RALGAPA1: variants seen among roughly 807,000 people sequenced by gnomAD.
The protein encoded by RALGAPA1 is Ral GTPase activating protein catalytic subunit alpha 1.
RALGAPA1 carries 52 observed loss-of-function variants against 269.6 expected under a neutral mutation model. That is an observed-to-expected ratio of 0.19 (90% CI 0.15 to 0.24). The LOEUF (loss-of-function observed/expected upper bound fraction) is 0.24, where lower values mean the gene tolerates loss of function less well. RALGAPA1 is among the 10% of genes least tolerant of loss of function. RALGAPA1 has a pLI of 1.00. For synonymous variants in RALGAPA1, 817 were observed against 1,008.3 expected, an observed-to-expected ratio of 0.81 and a Z score of 3.60; for missense variants, 1,917 against 3,013.9, an observed-to-expected ratio of 0.64 and a Z score of 8.52.
chr14:35,547,888 A>G (rs907495866), intron 41 of RALGAPA1, among the ~76,000 whole-genome samples: 3 of 152,142 alleles, frequency 2.0e-5, no homozygotes, highest in African/African-American at 7.2e-5. Flanking sequence ...AATTTCACTA[A>G]CTAAATCTCA....
intron 1 of RALGAPA1, among the ~76,000 whole-genome samples, chr14:35,796,077 AAGAG>A (rs2076544345): frequency 2.0e-5 from 3 of 152,206 alleles, no homozygotes; most frequent in Admixed American, 2.0e-4. Flanking sequence ...AGGATAAGAA[AAGAG>A]GATGATCAAT....
At chr14:35,684,805 TAACGTGG>T in intron 20 of RALGAPA1, 117 bp downstream of exon 20, 2 of 966,914 alleles carry the variant, frequency 2.1e-6, no homozygotes, top group Non-Finnish European at 3.0e-6. Context: ...TTTTTTTTTC[TAACGTGG>T]GAGCCACTGC....
intron 27 of RALGAPA1, among the ~76,000 whole-genome samples, chr14:35,663,738 C>T (rs866740719): frequency 5.9e-5 from 9 of 151,948 alleles, no homozygotes; most frequent in Non-Finnish European, 8.8e-5. Flanking sequence ...TACACGCGCC[C>T]GCCACCATGC....
intron 6 of RALGAPA1, among the ~76,000 whole-genome samples, chr14:35,760,527 A>G (rs911694061): frequency 6.6e-6 from 1 of 152,196 alleles, no homozygotes; most frequent in Non-Finnish European, 1.5e-5. Context: ...AAACCATAAT[A>G]AAGACTCTTG....
intron 1 of RALGAPA1, among the ~76,000 whole-genome samples, chr14:35,779,548 A>AATT (rs1359518657): frequency 6.6e-6 from 1 of 150,970 alleles, no homozygotes; most frequent in Non-Finnish European, 1.5e-5. Context: ...TAATAATAAT[A>AATT]ATGAAATAAT....
At chr14:35,679,663 A>G (rs1417979227) in intron 21 of RALGAPA1, among the ~76,000 whole-genome samples, 1 of 152,186 alleles carries the variant, frequency 6.6e-6, no homozygotes, top group East Asian at 1.9e-4. Flanking sequence ...AAGTTGAAAA[A>G]TTGTAAGTTG....
chr14:35,640,322 T>A (rs1477240101), intron 31 of RALGAPA1, among the ~76,000 whole-genome samples: 2 of 151,818 alleles, frequency 1.3e-5, no homozygotes, highest in Non-Finnish European at 2.9e-5. Context: ...ATTGATTTTT[T>A]AAAAAAGATA....
intron 16 of RALGAPA1, among the ~76,000 whole-genome samples, chr14:35,709,931 A>G (rs1457495603): frequency 1.3e-5 from 2 of 152,206 alleles, no homozygotes; most frequent in Non-Finnish European, 2.9e-5. Flanking sequence ...AAAATGTTTA[A>G]GGCATGTTTT....
At chr14:35,553,150 A>C (rs1330373020) in intron 39 of RALGAPA1, among the ~76,000 whole-genome samples, 1 of 152,118 alleles carries the variant, frequency 6.6e-6, no homozygotes, top group Non-Finnish European at 1.5e-5. Context: ...AAGTGCCCTG[A>C]CACCTGTCCT....
chr14:35,654,535 T>C (rs2063049093), intron 29 of RALGAPA1, 58 bp from the exon 30 acceptor site: 2 of 1,513,320 alleles, frequency 1.3e-6, no homozygotes, highest in South Asian at 2.6e-5. Context: ...CATCAATGTA[T>C]TATCTGCTGA....
At chr14:35,797,351 CAA>C (rs530576211) in intron 1 of RALGAPA1, among the ~76,000 whole-genome samples, 18 of 60,106 alleles carry the variant, frequency 3.0e-4, no homozygotes, top group South Asian at 6.6e-4. Context: ...GACTCCGTCT[CAA>C]AAAAAAAAAA....
intron 31 of RALGAPA1, among the ~76,000 whole-genome samples, chr14:35,650,200 C>G (rs943460059): frequency 7.2e-5 from 11 of 151,864 alleles, no homozygotes; most frequent in Admixed American, 1.3e-4. Context: ...GATGAGACCC[C>G]CCCGCCCCCG....
chr14:35,549,265 G>A, intron 39 of RALGAPA1, 31 bp from the exon 40 acceptor site: 2 of 1,604,376 alleles, frequency 1.2e-6, no homozygotes, highest in Non-Finnish European at 1.7e-6. Flanking sequence ...ATAAACTTAA[G>A]TGCAGCTTAT....
chr14:35,675,851 C>A (rs2064890696), intron 22 of RALGAPA1, among the ~76,000 whole-genome samples: 1 of 152,196 alleles, frequency 6.6e-6, no homozygotes, highest in African/African-American at 2.4e-5. Flanking sequence ...GTTATGATTT[C>A]TCACACTTGA....
chr14:35,701,988 T>G (rs574756303), intron 16 of RALGAPA1, among the ~76,000 whole-genome samples: 1 of 152,284 alleles, frequency 6.6e-6, no homozygotes, highest in South Asian at 2.1e-4. Context: ...AATTATTTAC[T>G]GGCAACACAG....
intron 17 of RALGAPA1, among the ~76,000 whole-genome samples, chr14:35,696,196 C>T (rs1019101256): frequency 6.6e-6 from 1 of 151,944 alleles, no homozygotes; most frequent in African/African-American, 2.4e-5. Context: ...AGTTTAAGAC[C>T]AGCCTGGGCA....
At chr14:35,657,439 C>T (rs2063254562) in intron 28 of RALGAPA1, among the ~76,000 whole-genome samples, 1 of 151,962 alleles carries the variant, frequency 6.6e-6, no homozygotes, top group African/African-American at 2.4e-5. Flanking sequence ...ATCCACTCTC[C>T]TCGGCCTCCC....
In RALGAPA1 at chr14:35,724,984, T is replaced by A. The variant is rs538478254; in HGVS notation, c.1866+40A>T. On this transcript the variant is annotated intron_variant, in intron 14 of 41. Transcript: ENST00000680220. Reference sequence around the variant, plus strand: ...CAACAAAACAAAACAAAACAACCCATATCTATCCAGCTATTCATCTATTTA... The same window carrying A: ...CAACAAAACAAAACAAAACAACCCAAATCTATCCAGCTATTCATCTATTTA... The A allele has an allele frequency of 1.2e-4, 175 of 1,506,886 alleles. 1 individual carries two copies. Among genetic ancestry groups the A allele is most frequent in the Non-Finnish European group, 1.5e-4 (173 of 1,121,222 alleles). The allele number at this position is 1,506,886 out of a possible 1,614,324, so 93.3% of individuals were successfully genotyped here.
intron 28 of RALGAPA1, among the ~76,000 whole-genome samples, chr14:35,658,567 C>T (rs183237965): frequency 2.0e-5 from 3 of 152,028 alleles, no homozygotes; most frequent in Admixed American, 2.0e-4. Flanking sequence ...GTGCTACTAG[C>T]AACCTGCTAA....
Sources: gnomAD v4.1 joint callset for allele counts (sites outside exome capture counted in the v4.1 genomes callset) on GRCh38, gnomAD v4.1.1 for gene constraint, MANE v1.5 for transcripts, NCBI Gene and HGNC (gene_info 2026-07-23, HGNC 2026-07-21) for gene names.